Variants in WASL observed in about 807,000 individuals in gnomAD.
WASL encodes the protein actin nucleation-promoting factor WASL.
A neutral mutation model predicts 55.5 loss-of-function variants in WASL; 20 were observed. The ratio of observed to expected loss-of-function variants is 0.36; its 90% CI spans 0.25 to 0.52. The LOEUF is 0.52. Ranked by LOEUF, WASL falls within the 20% of genes least tolerant of loss-of-function variation. The pLI, the probability that WASL is intolerant of heterozygous loss-of-function variation, is 0.92. For synonymous variants in WASL, 249 were observed against 217.6 expected (o/e 1.14, Z -1.27); for missense variants, 504 against 622.5 (o/e 0.81, Z 2.03).
chr7:123,719,467 G>A (rs984616085), intron 1 of WASL, among the ~76,000 whole-genome samples: 3 of 152,168 alleles, frequency 2.0e-5, no homozygotes, highest in Non-Finnish European at 4.4e-5. Context: ...TCAGGCTGGC[G>A]AGATGACCCA....
At chr7:123,709,287 C>T in intron 1 of WASL, 64 bp from the exon 2 acceptor site, 2 of 1,426,896 alleles carry the variant, frequency 1.4e-6, no homozygotes, top group South Asian at 3.4e-5. Flanking sequence ...ATAGCCCCTG[C>T]TGACAGCTTG....
intron 1 of WASL, among the ~76,000 whole-genome samples, chr7:123,742,597 G>A (rs1432384641): frequency 1.3e-5 from 2 of 151,906 alleles, no homozygotes; most frequent in African/African-American, 4.8e-5. Context: ...AGATGGAATT[G>A]GTTAACAAAA....
intron 1 of WASL, among the ~76,000 whole-genome samples, chr7:123,741,046 T>C (rs1386302243): frequency 6.6e-6 from 1 of 152,104 alleles, no homozygotes; most frequent in African/African-American, 2.4e-5. Flanking sequence ...CTGTCTACAT[T>C]ATCCCAGGAT....
At chr7:123,710,249 T>TC in intron 1 of WASL, among the ~76,000 whole-genome samples, 1 of 150,996 alleles carries the variant, frequency 6.6e-6, no homozygotes, top group Non-Finnish European at 1.5e-5. Flanking sequence ...ATTAAGAAAA[T>TC]CATTTAGAAT....
intron 1 of WASL, among the ~76,000 whole-genome samples, chr7:123,726,954 A>T (rs1244793801): frequency 1.3e-5 from 2 of 152,148 alleles, no homozygotes; most frequent in African/African-American, 4.8e-5. Flanking sequence ...TTGTGTCCAG[A>T]ATATATATAA....
In WASL at chr7:123,696,765, T is replaced by G; in HGVS notation, c.461-18A>C. ...ATTAGGACCTGCAAATAAAACCAAATTATATAAAAGGGATATAATTTAAGA... is the reference window on the plus strand; with the variant it reads ...ATTAGGACCTGCAAATAAAACCAAAGTATATAAAAGGGATATAATTTAAGA... On this transcript the variant is annotated intron_variant, in intron 5 of 10. Coordinates refer to ENST00000223023, the MANE Select transcript of WASL (RefSeq NM_003941.4). 2 of 1,484,374 alleles carry G rather than the reference T, an allele frequency of 1.3e-6. No individual in the cohort carries two copies. Among genetic ancestry groups the G allele is most frequent in the Non-Finnish European group, 1.8e-6 (2 of 1,115,470 alleles). 92.0% of individuals were successfully genotyped at this position (1,484,374 alleles called of 1,614,324 possible).
At chr7:123,714,351 G>GA (rs1360245476) in intron 1 of WASL, among the ~76,000 whole-genome samples, 1 of 151,872 alleles carries the variant, frequency 6.6e-6, no homozygotes, top group African/African-American at 2.4e-5. Flanking sequence ...AACCAGAAAA[G>GA]AAAAGAGAAA....
At chr7:123,690,142 A>G (rs1047781174) in intron 9 of WASL, among the ~76,000 whole-genome samples, 1 of 152,212 alleles carries the variant, frequency 6.6e-6, no homozygotes, top group Non-Finnish European at 1.5e-5. Flanking sequence ...AAGGCTCTCA[A>G]GGAGGTACAA....
rs138588268 is a variant in WASL at position 123,692,530 on chromosome 7, C to T, written c.1164G>A (p.Pro388=). The T allele has an allele frequency of 3.0e-5, 49 of 1,613,492 alleles. No homozygotes were observed. Among genetic ancestry groups the T allele is most frequent in the Middle Eastern group, 3.3e-4 (2 of 6,082 alleles). Residue 388 remains proline (P), a synonymous_variant, in exon 9 of 11, where the codon CCG becomes CCA. Coordinates refer to ENST00000223023, the MANE Select transcript of WASL (RefSeq NM_003941.4). ...GGTCCCCATCAGAAGGCAGGCCAGG[C>T]GGGGGCGGTGGCCCAGGAGGAGGTG... The part of the protein sequence containing the change: ...PPPPPPGPPP[P]PGLPSDGDHQ...
At chr7:123,745,584 C>CT (rs1406315374) in intron 1 of WASL, among the ~76,000 whole-genome samples, 1 of 152,114 alleles carries the variant, frequency 6.6e-6, no homozygotes, top group Non-Finnish European at 1.5e-5. Context: ...ACAACGTGGA[C>CT]TTTAGCAGTG....
intron 10 of WASL, 26 bp downstream of exon 10, chr7:123,689,006 GTCTCTCTCTC>G (rs3035629): frequency 5.4e-4 from 686 of 1,278,740 alleles, no homozygotes; most frequent in Middle Eastern, 2.0e-3. Flanking sequence ...CACTCTCTCT[GTCTCTCTCTC>G]TCTCTCTCTC....
intron 1 of WASL, among the ~76,000 whole-genome samples, chr7:123,732,581 C>A (rs1804158090): frequency 6.6e-6 from 1 of 152,100 alleles, no homozygotes. Context: ...AAGCAAAAAA[C>A]ACCATAGCAG....
At position 123,733,761 on chromosome 7, in the gene WASL, A is replaced by G. The variant is rs1804178237; in HGVS notation, c.117+14857T>C. Among the ~76,000 whole-genome samples the G allele has an allele frequency of 2.6e-5, 4 of 152,136 alleles. No homozygotes were observed. In the South Asian group the frequency reaches 8.3e-4, roughly 31 times the overall value. ...AATCAGGCAGTGTGGCCTTGTTGAG[A>G]GCAAACACAAATAGACAAAATAGAC... is the stretch of plus-strand genomic sequence containing the variant. On this transcript the variant is annotated intron_variant, in intron 1 of 10. Transcript: ENST00000223023.
At chr7:123,714,514 C>T (rs1193815284) in intron 1 of WASL, among the ~76,000 whole-genome samples, 2 of 152,102 alleles carry the variant, frequency 1.3e-5, no homozygotes, top group South Asian at 2.1e-4. Context: ...TGAAGAAAAA[C>T]GGAGCCAGAT....
Position 123,748,648 on chromosome 7 carries a change from G to A in WASL, c.87C>T (p.Ser29=), listed in dbSNP as rs1406614713. 22 of 1,613,464 alleles carry A rather than the reference G, an allele frequency of 1.4e-5. No homozygotes were observed. The highest frequency in any genetic ancestry group is 2.2e-5 in the East Asian group (1 of 44,782). The part of the protein sequence containing the change: ...SLLLTPQENE[S]LFTFLGKKCV... The stretch of plus-strand genomic sequence containing the variant: ...ATTTCTTGCCGAGGAAAGTGAAGAG[G>A]GACTCGTTCTCCTGCGGGGTGAGCA... Residue 29 remains serine, a synonymous_variant, in exon 1 of 11, where the codon TCC becomes TCT. Coordinates refer to ENST00000223023, the MANE Select transcript of WASL (RefSeq NM_003941.4).
At chr7:123,710,117 G>T (rs1331726221) in intron 1 of WASL, among the ~76,000 whole-genome samples, 1 of 151,974 alleles carries the variant, frequency 6.6e-6, no homozygotes, top group African/African-American at 2.4e-5. Flanking sequence ...AACCTAGAAT[G>T]TAACTATTCA....
At chr7:123,730,730 A>C (rs1255463514) in intron 1 of WASL, among the ~76,000 whole-genome samples, 6 of 152,352 alleles carry the variant, frequency 3.9e-5, no homozygotes, top group Non-Finnish European at 8.8e-5. Flanking sequence ...AATTAAAAGA[A>C]GACTGTCAGA....
Position 123,722,076 on chromosome 7 carries a change from G to A in WASL, c.118-12853C>T, listed in dbSNP as rs528242863. Among the ~76,000 whole-genome samples, 4 of 152,154 alleles carry A rather than the reference G, an allele frequency of 2.6e-5. No homozygotes were observed. In the South Asian group the frequency reaches 8.3e-4, roughly 32 times the overall value. ...CATCTTGCTTTTGCTCTCTGGAGCTGTACTGTTTAATAAGGTCACCACTAG... is the reference window on the plus strand; with the variant it reads ...CATCTTGCTTTTGCTCTCTGGAGCTATACTGTTTAATAAGGTCACCACTAG... On this transcript the variant is annotated intron_variant, in intron 1 of 10. Transcript: ENST00000223023.
At chr7:123,701,654 A>C (rs1803591976) in intron 5 of WASL, among the ~76,000 whole-genome samples, 2 of 152,236 alleles carry the variant, frequency 1.3e-5, no homozygotes, top group Non-Finnish European at 2.9e-5. Flanking sequence ...ATCTGAGACA[A>C]AGCACCTGCA....
Sources: gnomAD v4.1 joint callset for allele counts (sites outside exome capture counted in the v4.1 genomes callset) on GRCh38, gnomAD v4.1.1 for gene constraint, MANE v1.5 for transcripts, NCBI Gene and HGNC (gene_info 2026-07-23, HGNC 2026-07-21) for gene names.